PXYLP1: variants seen among roughly 807,000 people sequenced by gnomAD.
The protein encoded by PXYLP1 is acid phosphatase-like 2.
A neutral mutation model predicts 37.9 loss-of-function variants in PXYLP1; 17 were observed. That is an observed-to-expected ratio of 0.45 (90% CI 0.31 to 0.67). The LOEUF is 0.67. Ranked by LOEUF, PXYLP1 falls within the 30% of genes least tolerant of loss-of-function variation. The probability of loss-of-function intolerance (pLI) is 0.07; values close to 1 mark genes in which losing one functional copy is unlikely to be tolerated. For missense variants in PXYLP1, 511 were observed against 612.0 expected, an observed-to-expected ratio of 0.84 and a Z score of 1.74; for synonymous variants, 221 against 232.2, an observed-to-expected ratio of 0.95 and a Z score of 0.44.
intron 4 of PXYLP1, 110 bp downstream of exon 4, chr3:141,279,614 C>A: frequency 7.3e-7 from 1 of 1,375,476 alleles, no homozygotes. Flanking sequence ...GGAGCCTGAG[C>A]TCAGAGCAGT....
chr3:141,288,393 AATG>A (rs1349729447), intron 5 of PXYLP1, among the ~76,000 whole-genome samples: 1 of 152,194 alleles, frequency 6.6e-6, no homozygotes, highest in Non-Finnish European at 1.5e-5. Flanking sequence ...TTATTGGGGA[AATG>A]ATATTGGATA....
chr3:141,288,849 T>C (rs1416182549), intron 5 of PXYLP1, among the ~76,000 whole-genome samples: 2 of 152,172 alleles, frequency 1.3e-5, no homozygotes, highest in African/African-American at 4.8e-5. Context: ...TGAACCATGA[T>C]CATGCCACTG....
In PXYLP1 at chr3:141,292,858, G is replaced by A. The variant is rs771763179; in HGVS notation, c.1096G>A (p.Gly366Ser). 9.3e-6 allele frequency: 15 copies of A among 1,614,070 alleles called. No individual in the cohort carries two copies. Among genetic ancestry groups the A allele is most frequent in the Non-Finnish European group, 1.3e-5 (15 of 1,179,992 alleles). Reference protein sequence around the residue: ...TIGRMQRATEGRKEELFALYS... With the variant: ...TIGRMQRATESRKEELFALYS... ...CGGCCGGATGCAGCGTGCCACCGAGGGCAGGAAAGAAGAGCTCTTTGCCCT... is the reference window on the plus strand; with the variant it reads ...CGGCCGGATGCAGCGTGCCACCGAGAGCAGGAAAGAAGAGCTCTTTGCCCT... Residue 366 changes from glycine to serine, a missense_variant, in exon 6 of 6, where the codon GGC becomes AGC. Transcript: ENST00000286353. The surrounding 1 kb of genome is among the most constrained non-coding windows in gnomAD (Gnocchi z 4.3).
At chr3:141,264,351 G>A (rs528257815) in intron 2 of PXYLP1, among the ~76,000 whole-genome samples, 11 of 152,292 alleles carry the variant, frequency 7.2e-5, no homozygotes, top group Admixed American at 1.3e-4. Context: ...TGTGTTCTCC[G>A]TCACTGGAGT....
In PXYLP1 at chr3:141,245,620, A is replaced by G. The variant is rs1321509036; in HGVS notation, c.-54+13709A>G. ...AGTTTATTTGTGTCTTTGATCTTCA[A>G]AGATCCTGGGAATGACAAGTCATAG... On this transcript the variant is annotated intron_variant, in intron 1 of 5. Transcript: ENST00000286353. Among the ~76,000 whole-genome samples the G allele has an allele frequency of 7.2e-5, 11 of 152,302 alleles. No individual in the cohort carries two copies. The East Asian group carries it at 1.5e-3, about 21-fold the overall frequency.
chr3:141,265,239 C>G (rs142865804), intron 2 of PXYLP1, among the ~76,000 whole-genome samples: 3 of 152,004 alleles, frequency 2.0e-5, no homozygotes, highest in African/African-American at 7.2e-5. Context: ...AAGACACCAT[C>G]AGATTTGTGT....
At chr3:141,270,807 C>T (rs1216953060) in intron 2 of PXYLP1, among the ~76,000 whole-genome samples, 1 of 152,136 alleles carries the variant, frequency 6.6e-6, no homozygotes, top group East Asian at 1.9e-4. Context: ...CCTTCCAGAT[C>T]CCAAGTTGAA....
intron 2 of PXYLP1, among the ~76,000 whole-genome samples, chr3:141,267,926 C>G (rs564120042): frequency 3.4e-5 from 5 of 145,674 alleles, no homozygotes; most frequent in Admixed American, 2.7e-4. Context: ...TCCCTTTTTT[C>G]TTCTTAGTTC....
chr3:141,247,018 C>T (rs570526912), intron 1 of PXYLP1, among the ~76,000 whole-genome samples: 147 of 152,372 alleles, frequency 9.6e-4, no homozygotes, highest in African/African-American at 2.9e-3. Context: ...CCAGCATGCT[C>T]CTTGGGGTCT....
intron 5 of PXYLP1, among the ~76,000 whole-genome samples, chr3:141,290,240 A>G (rs1038091718): frequency 2.0e-5 from 3 of 152,200 alleles, no homozygotes; most frequent in African/African-American, 7.2e-5. Context: ...GAAGGCTGCA[A>G]CTGCAGCACA....
At chr3:141,255,525 G>A (rs945165829) in intron 1 of PXYLP1, among the ~76,000 whole-genome samples, 3 of 152,248 alleles carry the variant, frequency 2.0e-5, no homozygotes, top group Non-Finnish European at 2.9e-5. Flanking sequence ...TCACCCTGCC[G>A]GTGAAGCAGG....
chr3:141,263,746 C>A (rs1941446927), intron 2 of PXYLP1, among the ~76,000 whole-genome samples: 1 of 152,214 alleles, frequency 6.6e-6, no homozygotes, highest in South Asian at 2.1e-4. Context: ...ATGTCAGCTT[C>A]CCTGCTAAGT....
chr3:141,237,808 C>T (rs1940696903), intron 1 of PXYLP1, among the ~76,000 whole-genome samples: 1 of 152,188 alleles, frequency 6.6e-6, no homozygotes, highest in African/African-American at 2.4e-5. Flanking sequence ...GGCACTTGCT[C>T]ACTTACAGCC....
At chr3:141,246,929 C>G (rs1423675667) in intron 1 of PXYLP1, among the ~76,000 whole-genome samples, 2 of 152,236 alleles carry the variant, frequency 1.3e-5, no homozygotes, top group Non-Finnish European at 2.9e-5. Context: ...GCACTTCAGC[C>G]TTGGCTTCCA....
chr3:141,292,518 G>C lies in PXYLP1; in HGVS notation c.756G>C (p.Gln252His), dbSNP rs894483904. ...GCTGCTATTGCCCGGTAAGAAACCA[G>C]TATCTGGAAAAGGAGCAGCGTCGTC... ...SGSCYCPVRN[Q>H]YLEKEQRRQY... Residue 252 changes from glutamine to histidine, a missense_variant, in exon 6 of 6, where the codon CAG becomes CAC. By Grantham distance (24) the Gln-to-His change is conservative. Transcript: ENST00000286353. The surrounding 1 kb of genome is among the most constrained non-coding windows in gnomAD (Gnocchi z 4.3). 1.9e-6 allele frequency: 3 copies of C among 1,614,122 alleles called. No homozygotes were observed. In the African/African-American group the frequency reaches 4.0e-5, roughly 22 times the overall value.
At chr3:141,237,231 A>C (rs755904099) in intron 1 of PXYLP1, among the ~76,000 whole-genome samples, 6 of 152,266 alleles carry the variant, frequency 3.9e-5, no homozygotes, top group Non-Finnish European at 8.8e-5. Flanking sequence ...GGATAAAAAT[A>C]GGCATTGGTT....
intron 1 of PXYLP1, among the ~76,000 whole-genome samples, chr3:141,240,665 C>G (rs918720183): frequency 6.6e-6 from 1 of 152,086 alleles, no homozygotes; most frequent in African/African-American, 2.4e-5. Context: ...CCTCCTCCCC[C>G]CAAAAATCAG....
At chr3:141,235,399 C>T (rs1940634381) in intron 1 of PXYLP1, 1 of 152,142 alleles carries the variant, frequency 6.6e-6, no homozygotes. Context: ...AATTTATAGG[C>T]CCTGAGCTGT....
intron 2 of PXYLP1, among the ~76,000 whole-genome samples, chr3:141,261,414 A>G (rs1307338636): frequency 1.3e-5 from 2 of 152,354 alleles, no homozygotes; most frequent in African/African-American, 4.8e-5. Flanking sequence ...TAGGTGTTAC[A>G]TAAGCATAAA....
Sources: allele counts gnomAD v4.1 joint callset (sites outside exome capture counted in the v4.1 genomes callset), GRCh38; gene constraint gnomAD v4.1.1; non-coding constraint Gnocchi (gnomAD v3.1); transcripts MANE v1.5; gene names NCBI Gene and HGNC (gene_info 2026-07-23, HGNC 2026-07-21).